RGS17: variants seen among roughly 807,000 people sequenced by gnomAD.
The protein encoded by RGS17 is regulator of G protein signaling 17, also known as regulator of G-protein signaling 17.
RGS17 carries 12 observed loss-of-function variants against 25.5 expected under a neutral mutation model. The ratio of observed to expected loss-of-function variants is 0.47; its 90% CI spans 0.30 to 0.76. The LOEUF is 0.76. Among genes scored for constraint, RGS17 ranks in the 30% least tolerant of loss-of-function variants. The pLI, the probability that RGS17 is intolerant of heterozygous loss-of-function variation, is 0.07. For missense variants in RGS17, 196 were observed against 242.2 expected (o/e 0.81, Z 1.27); for synonymous variants, 71 against 76.9 (o/e 0.92, Z 0.40).
chr6:153,026,570 T>C (rs370883735), intron 2 of RGS17, 27 bp from the exon 3 acceptor site: 57 of 1,558,548 alleles, frequency 3.7e-5, no homozygotes, highest in Non-Finnish European at 4.9e-5. Context: ...CATTTAATTT[T>C]GTCAAGGGAA....
chr6:153,025,777 A>G (rs1375067599), intron 3 of RGS17, among the ~76,000 whole-genome samples: 1 of 150,078 alleles, frequency 6.7e-6, no homozygotes. Context: ...ACATATATAA[A>G]GGTAAATATA....
chr6:153,042,877 A>C (rs1318856147), intron 2 of RGS17, among the ~76,000 whole-genome samples: 1 of 152,208 alleles, frequency 6.6e-6, no homozygotes, highest in African/African-American at 2.4e-5. Context: ...GAAACTGTAG[A>C]GATAATACAC....
intron 4 of RGS17, among the ~76,000 whole-genome samples, chr6:153,016,797 A>C (rs1024359690): frequency 5.3e-5 from 8 of 152,354 alleles, no homozygotes; most frequent in African/African-American, 1.9e-4. Flanking sequence ...GGGGATAACA[A>C]TCTATTGTTT....
At chr6:153,071,038 T>C (rs969801885) in intron 1 of RGS17, among the ~76,000 whole-genome samples, 1 of 150,480 alleles carries the variant, frequency 6.6e-6, no homozygotes, top group Non-Finnish European at 1.5e-5. Flanking sequence ...TATATATACG[T>C]ATATGTACAT....
intron 1 of RGS17, among the ~76,000 whole-genome samples, chr6:153,125,377 A>G (rs1000906022): frequency 2.6e-5 from 4 of 152,208 alleles, no homozygotes; most frequent in Admixed American, 2.0e-4. Flanking sequence ...AGTATAAAAT[A>G]CTTCTATAAT....
chr6:153,028,765 C>G (rs1483726815), intron 2 of RGS17, among the ~76,000 whole-genome samples: 1 of 152,154 alleles, frequency 6.6e-6, no homozygotes, highest in East Asian at 1.9e-4. Flanking sequence ...CATATTAAGG[C>G]ACTATAACAC....
intron 4 of RGS17, among the ~76,000 whole-genome samples, chr6:153,013,564 C>G (rs1280178551): frequency 6.6e-6 from 1 of 152,162 alleles, no homozygotes; most frequent in African/African-American, 2.4e-5. Flanking sequence ...GAAGGCATGT[C>G]GAAAGCTGAG....
intron 1 of RGS17, among the ~76,000 whole-genome samples, chr6:153,071,941 T>A (rs889133298): frequency 1.3e-5 from 2 of 152,140 alleles, no homozygotes; most frequent in Non-Finnish European, 1.5e-5. Flanking sequence ...AGGTTGTTGT[T>A]TGGATTGTGA....
In RGS17 at chr6:153,082,464, A is replaced by AT. The variant is rs533765621; in HGVS notation, c.-25-38422dup. On this transcript the variant is annotated intron_variant, in intron 1 of 4. Transcript: ENST00000206262. ...ATCTTCAATTATCACTAAATCTTCC[A>AT]TTTTTTCCACAATCTAATCTTTTGT... Among the ~76,000 whole-genome samples, 272 of 151,190 alleles carry AT rather than the reference A, an allele frequency of 1.8e-3. 1 individual carries two copies. Among genetic ancestry groups the AT allele is most frequent in the Middle Eastern group, 6.9e-3 (2 of 290 alleles).
chr6:153,036,214 G>A (rs762559199), intron 2 of RGS17, among the ~76,000 whole-genome samples: 10 of 151,938 alleles, frequency 6.6e-5, no homozygotes, highest in African/African-American at 1.7e-4. Flanking sequence ...TACCACACTC[G>A]GCTAATTTTA....
intron 1 of RGS17, among the ~76,000 whole-genome samples, chr6:153,087,534 A>G (rs974619991): frequency 1.9e-4 from 29 of 152,350 alleles, no homozygotes; most frequent in African/African-American, 7.0e-4. Context: ...ATGGAAAATC[A>G]TTTCTAGGCT....
rs1779106670 is a variant in RGS17 at position 153,009,172 on chromosome 6, C to T, written c.*2402G>A. On this transcript the variant is annotated 3_prime_UTR_variant, in exon 5 of 5. Transcript: ENST00000206262. ...TAAAGATATTGTCAAACAGACAATT[C>T]ATCTAATAGTCCAAAGTATCTTATA... 1 of 152,066 alleles carries T rather than the reference C, an allele frequency of 6.6e-6. No individual in the cohort carries two copies. The highest frequency in any genetic ancestry group is 2.4e-5 in the African/African-American group (1 of 41,422). The allele number at this position is 152,066 out of a possible 1,614,324, so 9.4% of individuals were successfully genotyped here. A position where few individuals can be genotyped will look rare whatever the true frequency, so the allele number is the denominator to read the frequency against.
At chr6:153,047,004 T>C (rs1048382611) in intron 1 of RGS17, among the ~76,000 whole-genome samples, 2 of 152,162 alleles carry the variant, frequency 1.3e-5, no homozygotes, top group African/African-American at 4.8e-5. Flanking sequence ...CACACACAAG[T>C]AATGCTTTGA....
chr6:153,127,929 G>A (rs1259376966), intron 1 of RGS17, among the ~76,000 whole-genome samples: 1 of 152,164 alleles, frequency 6.6e-6, no homozygotes, highest in Non-Finnish European at 1.5e-5. Flanking sequence ...TTTTACACCT[G>A]CCTTTGCCAC....
chr6:153,011,562 T>C lies in RGS17; in HGVS notation c.*12A>G. The C allele has an allele frequency of 6.4e-7, 1 of 1,572,110 alleles. No homozygotes were observed. Among genetic ancestry groups the C allele is most frequent in the Non-Finnish European group, 8.7e-7 (1 of 1,150,186 alleles). ...ATCTCAGCCCTCCAAAATGATTGTT[T>C]TTAAATGAACATTAAGATTCAGAAG... On this transcript the variant is annotated 3_prime_UTR_variant, in exon 5 of 5. Transcript: ENST00000206262.
intron 1 of RGS17, among the ~76,000 whole-genome samples, chr6:153,097,921 A>G (rs1777242389): frequency 6.6e-6 from 1 of 152,120 alleles, no homozygotes; most frequent in Non-Finnish European, 1.5e-5. Context: ...TGCAAATGAC[A>G]GTTTTTCACC....
At chr6:153,056,566 A>G (rs1273700753) in intron 1 of RGS17, among the ~76,000 whole-genome samples, 1 of 152,192 alleles carries the variant, frequency 6.6e-6, no homozygotes, top group Non-Finnish European at 1.5e-5. Context: ...AGTCCTTGAA[A>G]GAGGTTGATT....
chr6:153,090,827 T>C (rs1777119536), intron 1 of RGS17, among the ~76,000 whole-genome samples: 1 of 147,612 alleles, frequency 6.8e-6, no homozygotes, highest in South Asian at 2.2e-4. Flanking sequence ...ACACAGCACA[T>C]ACAGGGTTCA....
intron 2 of RGS17, among the ~76,000 whole-genome samples, chr6:153,041,713 C>T (rs1010347958): frequency 1.3e-5 from 2 of 152,146 alleles, no homozygotes; most frequent in African/African-American, 4.8e-5. Flanking sequence ...GTCTATTCCT[C>T]AACCCTGTGT....
Sources: allele counts gnomAD v4.1 joint callset (sites outside exome capture counted in the v4.1 genomes callset), GRCh38; gene constraint gnomAD v4.1.1; transcripts MANE v1.5; gene names NCBI Gene and HGNC (gene_info 2026-07-23, HGNC 2026-07-21).